Variants in DSCAM observed in about 807,000 individuals in gnomAD.
DSCAM encodes DS cell adhesion molecule.
DSCAM carries 47 observed loss-of-function variants against 217.7 expected under a neutral mutation model. The observed-to-expected ratio is 0.22, with a 90% CI of 0.17 to 0.28. The LOEUF is 0.28. DSCAM is among the 10% of genes least tolerant of loss of function. The probability of loss-of-function intolerance (pLI) is 1.00; values close to 1 mark genes in which losing one functional copy is unlikely to be tolerated. For synonymous variants in DSCAM, 1,056 were observed against 1,015.3 expected, an observed-to-expected ratio of 1.04 and a Z score of -0.76; for missense variants, 2,080 against 2,618.3, an observed-to-expected ratio of 0.79 and a Z score of 4.49.
At chr21:40,462,680 A>G (rs1185159747) in intron 3 of DSCAM, among the ~76,000 whole-genome samples, 1 of 152,198 alleles carries the variant, frequency 6.6e-6, no homozygotes, top group African/African-American at 2.4e-5. Context: ...ACTCAGGGCC[A>G]ATTAAAATGT....
chr21:40,325,804 A>T (rs1439343299), intron 8 of DSCAM, among the ~76,000 whole-genome samples: 2 of 152,208 alleles, frequency 1.3e-5, no homozygotes, highest in African/African-American at 2.4e-5. Flanking sequence ...TCTAATGCAT[A>T]GCTGGTGGTA....
At position 40,175,472 on chromosome 21, in the gene DSCAM, T is replaced by C. The variant is rs540586597; in HGVS notation, c.2947+3455A>G. Among the ~76,000 whole-genome samples the C allele has an allele frequency of 3.3e-5, 5 of 152,218 alleles. No homozygotes were observed. In the South Asian group the frequency reaches 1.0e-3, roughly 32 times the overall value. On this transcript the variant is annotated intron_variant, in intron 15 of 32. Coordinates refer to ENST00000400454, the MANE Select transcript of DSCAM (RefSeq NM_001389.5). Reference sequence around the variant, plus strand: ...GAGGCTGACAATTCCAAGATCAAGATGCCAGATTTGGTGTCTGGTCAGGGC... The same window carrying C: ...GAGGCTGACAATTCCAAGATCAAGACGCCAGATTTGGTGTCTGGTCAGGGC...
chr21:40,559,786 CTTTT>C (rs548599799), intron 3 of DSCAM, among the ~76,000 whole-genome samples: 8 of 109,398 alleles, frequency 7.3e-5, no homozygotes, highest in Admixed American at 1.0e-4. Flanking sequence ...AATTTTCTGT[CTTTT>C]TTTTTTTTTT....
At chr21:40,137,608 C>CACACAT (rs1555882485) in intron 18 of DSCAM, among the ~76,000 whole-genome samples, 3 of 113,186 alleles carry the variant, frequency 2.7e-5, no homozygotes, top group Admixed American at 8.7e-5. Flanking sequence ...CACACACACA[C>CACACAT]ACACACACAC....
At chr21:40,481,608 C>T (rs1255333536) in intron 3 of DSCAM, among the ~76,000 whole-genome samples, 1 of 151,400 alleles carries the variant, frequency 6.6e-6, no homozygotes, top group Non-Finnish European at 1.5e-5. Flanking sequence ...ACTCAAATAC[C>T]CAGCATTTTT....
At chr21:40,119,791 C>T (rs1429117232) in intron 20 of DSCAM, among the ~76,000 whole-genome samples, 1 of 151,976 alleles carries the variant, frequency 6.6e-6, no homozygotes, top group Non-Finnish European at 1.5e-5. Flanking sequence ...CGTTTTAATA[C>T]AGCCAGGAGG....
chr21:40,455,867 A>C (rs2145938458), intron 3 of DSCAM, among the ~76,000 whole-genome samples: 1 of 152,290 alleles, frequency 6.6e-6, no homozygotes, highest in South Asian at 2.1e-4. Flanking sequence ...GATAGATAGG[A>C]AAAAATATTC....
At chr21:40,369,409 T>TGTGTGTGC in intron 3 of DSCAM, 164 bp from the exon 4 acceptor site, 1 of 576,882 alleles carries the variant, frequency 1.7e-6, no homozygotes, top group Non-Finnish European at 2.9e-6. Flanking sequence ...TGTGTGTGTG[T>TGTGTGTGC]GTGTGTGTGT....
intron 10 of DSCAM, among the ~76,000 whole-genome samples, chr21:40,278,320 G>C (rs2073715840): frequency 6.6e-6 from 1 of 152,156 alleles, no homozygotes; most frequent in African/African-American, 2.4e-5. Context: ...AAAGGCCAGA[G>C]AGTAAATATT....
At chr21:40,044,829 C>G (rs1044848690) in intron 30 of DSCAM, among the ~76,000 whole-genome samples, 1 of 152,188 alleles carries the variant, frequency 6.6e-6, no homozygotes, top group Non-Finnish European at 1.5e-5. Flanking sequence ...GGAAGCTCAG[C>G]CCAGTGTGTT....
chr21:40,280,349 G>A (rs565214283), intron 10 of DSCAM, among the ~76,000 whole-genome samples: 2 of 151,558 alleles, frequency 1.3e-5, no homozygotes, highest in Non-Finnish European at 2.9e-5. Context: ...ACCATACCCC[G>A]CTAGGCCTTT....
At chr21:40,225,329 T>G (rs1430630506) in intron 11 of DSCAM, among the ~76,000 whole-genome samples, 1 of 152,214 alleles carries the variant, frequency 6.6e-6, no homozygotes, top group Non-Finnish European at 1.5e-5. Flanking sequence ...ACCAAGCCCA[T>G]GACATCTGCC....
chr21:40,836,882 A>C (rs952616605), intron 1 of DSCAM, among the ~76,000 whole-genome samples: 2 of 152,160 alleles, frequency 1.3e-5, no homozygotes, highest in African/African-American at 4.8e-5. Context: ...GATTAGAAAC[A>C]CCTGGGGAGC....
intron 4 of DSCAM, among the ~76,000 whole-genome samples, chr21:40,356,932 T>C (rs2074699734): frequency 6.6e-6 from 1 of 152,218 alleles, no homozygotes; most frequent in South Asian, 2.1e-4. Context: ...GGCTTTCTAT[T>C]TCTTTTGTGA....
At chr21:40,140,188 C>G (rs2146708218) in intron 18 of DSCAM, among the ~76,000 whole-genome samples, 1 of 152,154 alleles carries the variant, frequency 6.6e-6, no homozygotes, top group Non-Finnish European at 1.5e-5. Flanking sequence ...GAAGAGTGAC[C>G]ATTCGCAGGC....
intron 9 of DSCAM, among the ~76,000 whole-genome samples, chr21:40,310,278 T>A (rs910100789): frequency 6.6e-6 from 1 of 151,902 alleles, no homozygotes; most frequent in Non-Finnish European, 1.5e-5. Flanking sequence ...TTGGTGTAGA[T>A]TGGGACCAAA....
At chr21:40,530,295 G>A (rs923043826) in intron 3 of DSCAM, among the ~76,000 whole-genome samples, 1 of 152,134 alleles carries the variant, frequency 6.6e-6, no homozygotes, top group Non-Finnish European at 1.5e-5. Flanking sequence ...GATTTGATAA[G>A]CTCTCTTTTC....
At chr21:40,029,805 CCAGCTT>C (rs1260637511) in intron 32 of DSCAM, among the ~76,000 whole-genome samples, 1 of 152,136 alleles carries the variant, frequency 6.6e-6, no homozygotes, top group East Asian at 1.9e-4. Context: ...ACCCCCACCC[CCAGCTT>C]CACTTACCTA....
chr21:40,455,202 T>G (rs577996129), intron 3 of DSCAM, among the ~76,000 whole-genome samples: 76 of 152,180 alleles, frequency 5.0e-4, no homozygotes, highest in Admixed American at 1.3e-3. Flanking sequence ...GAAAAACAAG[T>G]GGAACATAAT....
Sources: allele counts gnomAD v4.1 joint callset (sites outside exome capture counted in the v4.1 genomes callset), GRCh38; gene constraint gnomAD v4.1.1; transcripts MANE v1.5; gene names NCBI Gene and HGNC (gene_info 2026-07-23, HGNC 2026-07-21).